The following CTNND2 variants were observed in gnomAD, a reference collection of about 807,000 sequenced individuals.
CTNND2 encodes the protein catenin delta-2.
CTNND2 carries 22 observed loss-of-function variants against 144.4 expected under a neutral mutation model. That is an observed-to-expected ratio of 0.15 (90% CI 0.11 to 0.22). The LOEUF (loss-of-function observed/expected upper bound fraction) is 0.22. CTNND2 is among the 10% of genes least tolerant of loss of function. The pLI, the probability that CTNND2 is intolerant of heterozygous loss-of-function variation, is 1.00. For synonymous variants in CTNND2, 751 were observed against 695.6 expected (o/e 1.08, Z -1.25); for missense variants, 1,353 against 1,618.8 (o/e 0.84, Z 2.82).
chr5:11,267,109 C>T (rs1213194639), intron 9 of CTNND2, among the ~76,000 whole-genome samples: 1 of 152,210 alleles, frequency 6.6e-6, no homozygotes, highest in Non-Finnish European at 1.5e-5. Context: ...GAACTTCTGA[C>T]CTCAGGTAAT....
intron 2 of CTNND2, among the ~76,000 whole-genome samples, chr5:11,587,852 T>G (rs1581568166): frequency 1.3e-5 from 2 of 152,238 alleles, no homozygotes; most frequent in East Asian, 1.9e-4. Context: ...TTCCACAGAT[T>G]GTCATTTTAT....
rs180799686 is a variant in CTNND2 at position 11,331,381 on chromosome 5, G to C, written c.1628+14991C>G. Reference sequence around the variant, plus strand: ...TGTAGAAGTCAGGAAACAGAACTTTGGTTCTAAAGGCAAAAGGCACAGTAG... The same window carrying C: ...TGTAGAAGTCAGGAAACAGAACTTTCGTTCTAAAGGCAAAAGGCACAGTAG... On this transcript the variant is annotated intron_variant, in intron 9 of 21. Coordinates refer to ENST00000304623, the MANE Select transcript of CTNND2 (RefSeq NM_001332.4). 1.2e-4 allele frequency among the ~76,000 whole-genome samples: 18 copies of C among 152,200 alleles called. No individual in the cohort carries two copies. The East Asian group carries it at 2.9e-3, about 24-fold the overall frequency.
At chr5:11,492,510 T>C (rs868262118) in intron 3 of CTNND2, among the ~76,000 whole-genome samples, 2,038 of 105,626 alleles carry the variant, frequency 0.019, 32 homozygotes, top group African/African-American at 0.072. Flanking sequence ...TATATATGTG[T>C]GTGTGTGTGT....
chr5:11,669,262 A>T (rs1783745002), intron 2 of CTNND2, among the ~76,000 whole-genome samples: 1 of 152,146 alleles, frequency 6.6e-6, no homozygotes, highest in Non-Finnish European at 1.5e-5. Flanking sequence ...TGATATCAGG[A>T]TGCTGCTGGC....
chr5:11,456,066 T>TGTGCA (rs943706895), intron 3 of CTNND2, among the ~76,000 whole-genome samples: 3 of 152,224 alleles, frequency 2.0e-5, no homozygotes, highest in Non-Finnish European at 4.4e-5. Flanking sequence ...CAAATTAATA[T>TGTGCA]GTGCACTGCA....
At chr5:11,064,446 C>T (rs540337614) in intron 16 of CTNND2, among the ~76,000 whole-genome samples, 8 of 152,112 alleles carry the variant, frequency 5.3e-5, no homozygotes, top group Admixed American at 2.0e-4. Flanking sequence ...TCCCACCATC[C>T]GGGAGGAAGA....
At chr5:11,547,293 A>T (rs1390345438) in intron 3 of CTNND2, among the ~76,000 whole-genome samples, 1 of 145,256 alleles carries the variant, frequency 6.9e-6, no homozygotes, top group East Asian at 2.2e-4. Flanking sequence ...ATAAATAAAT[A>T]AATAAATAAA....
intron 7 of CTNND2, among the ~76,000 whole-genome samples, chr5:11,382,555 ACCACTGCACTCCAG>A (rs1561308974): frequency 6.6e-6 from 1 of 150,420 alleles, no homozygotes; most frequent in Non-Finnish European, 1.5e-5. Context: ...CCGAGATCGC[ACCACTGCACTCCAG>A]CCTGGGCAAC....
intron 7 of CTNND2, among the ~76,000 whole-genome samples, chr5:11,369,480 C>T (rs1757267726): frequency 2.0e-5 from 3 of 152,124 alleles, no homozygotes; most frequent in Admixed American, 1.3e-4. Flanking sequence ...ATTTGGCCAA[C>T]AAAACAATGT....
intron 1 of CTNND2, among the ~76,000 whole-genome samples, chr5:11,831,154 T>C (rs1275479509): frequency 6.7e-6 from 1 of 149,834 alleles, no homozygotes; most frequent in Non-Finnish European, 1.5e-5. Context: ...ACAATCCTAA[T>C]AAAAATTCCG....
chr5:11,017,957 G>C lies in CTNND2; in HGVS notation c.3084+17C>G, dbSNP rs777396212. 3 of 1,609,160 alleles carry C rather than the reference G, an allele frequency of 1.9e-6. No homozygotes were observed. Among genetic ancestry groups the C allele is most frequent in the South Asian group, 2.2e-5 (2 of 90,938 alleles). The stretch of plus-strand genomic sequence containing the variant: ...GTTGAGTGTTTGGACTCAGGGCCCA[G>C]GTGAAGCCAGCCTTACCTTTTTGTA... On this transcript the variant is annotated intron_variant, in intron 18 of 21. Coordinates refer to ENST00000304623, the MANE Select transcript of CTNND2 (RefSeq NM_001332.4).
intron 1 of CTNND2, among the ~76,000 whole-genome samples, chr5:11,819,263 G>A (rs1169556363): frequency 1.3e-5 from 2 of 152,072 alleles, no homozygotes; most frequent in Non-Finnish European, 2.9e-5. Flanking sequence ...GTGAAACCCT[G>A]TTTCTACTAA....
intron 21 of CTNND2, among the ~76,000 whole-genome samples, chr5:10,980,813 C>G (rs1737141437): frequency 6.6e-6 from 1 of 152,108 alleles, no homozygotes; most frequent in Non-Finnish European, 1.5e-5. Flanking sequence ...AAACCAAACA[C>G]TGCATGTTCT....
rs548782543 is a variant in CTNND2 at position 11,536,714 on chromosome 5, G to A, written c.287+28230C>T. Among the ~76,000 whole-genome samples the A allele has an allele frequency of 1.3e-3, 192 of 152,004 alleles. 1 individual carries two copies. Among genetic ancestry groups the A allele is most frequent in the African/African-American group, 4.5e-3 (188 of 41,446 alleles). On this transcript the variant is annotated intron_variant, in intron 3 of 21. Coordinates refer to ENST00000304623, the MANE Select transcript of CTNND2 (RefSeq NM_001332.4). Reference sequence around the variant, plus strand: ...CATAAGAATAATACATTGGACTTTGGGGACTCAGAAGAAAGGGTGGGAGGG... The same window carrying A: ...CATAAGAATAATACATTGGACTTTGAGGACTCAGAAGAAAGGGTGGGAGGG...
intron 3 of CTNND2, among the ~76,000 whole-genome samples, chr5:11,538,360 C>A (rs1458875751): frequency 6.6e-6 from 1 of 152,136 alleles, no homozygotes; most frequent in Admixed American, 6.5e-5. Flanking sequence ...ACAAGTAATG[C>A]CCATTAAAAG....
In CTNND2 at chr5:11,179,230, T is replaced by C. The variant is rs570224664; in HGVS notation, c.1976-19471A>G. Among the ~76,000 whole-genome samples, 5 of 151,564 alleles carry C rather than the reference T, an allele frequency of 3.3e-5. No homozygotes were observed. The East Asian group carries it at 9.7e-4, about 29-fold the overall frequency. ...ATCGCTTGAACCCAGGAGATGGAGG[T>C]TGCGGTGAACCGAAATTGCACCACT... is the stretch of plus-strand genomic sequence containing the variant. On this transcript the variant is annotated intron_variant, in intron 11 of 21. Transcript: ENST00000304623.
intron 16 of CTNND2, among the ~76,000 whole-genome samples, chr5:11,080,451 A>T (rs932430965): frequency 2.0e-5 from 3 of 152,232 alleles, no homozygotes; most frequent in Non-Finnish European, 2.9e-5. Flanking sequence ...TTACTATATG[A>T]TCCAGTAATC....
chr5:11,454,346 G>A (rs1297683455), intron 3 of CTNND2, among the ~76,000 whole-genome samples: 1 of 152,070 alleles, frequency 6.6e-6, no homozygotes, highest in Non-Finnish European at 1.5e-5. Flanking sequence ...CTTGAACCCG[G>A]GAGGCAGAGG....
At chr5:11,332,777 T>C (rs745971713) in intron 9 of CTNND2, among the ~76,000 whole-genome samples, 1 of 152,210 alleles carries the variant, frequency 6.6e-6, no homozygotes, top group Non-Finnish European at 1.5e-5. Flanking sequence ...TCTTGAATTG[T>C]AGCTCCCATA....
Sources: gnomAD v4.1 joint callset for allele counts (sites outside exome capture counted in the v4.1 genomes callset) on GRCh38, gnomAD v4.1.1 for gene constraint, MANE v1.5 for transcripts, NCBI Gene and HGNC (gene_info 2026-07-23, HGNC 2026-07-21) for gene names.